Variants in IQANK1 observed in about 807,000 individuals in gnomAD.
IQANK1 encodes IQ motif and ankyrin repeat domain-containing protein 1.
A neutral mutation model predicts 22.6 loss-of-function variants in IQANK1; 30 were observed. That is an observed-to-expected ratio of 1.33 (90% CI 0.99 to 1.80). IQANK1 has a LOEUF of 1.80. Ranked by LOEUF, IQANK1 falls within the 40% of genes most tolerant of loss-of-function variation. The pLI is 0.00. For missense variants in IQANK1, 275 were observed against 235.2 expected, an observed-to-expected ratio of 1.17 and a Z score of -1.11; for synonymous variants, 122 against 99.6, an observed-to-expected ratio of 1.23 and a Z score of -1.34.
chr8:143,782,978 G>A (rs1374149595), intron 7 of IQANK1, among the ~76,000 whole-genome samples: 1 of 152,100 alleles, frequency 6.6e-6, no homozygotes, highest in Non-Finnish European at 1.5e-5. Flanking sequence ...GGCTATATTC[G>A]TGAGATTCAG....
intron 7 of IQANK1, among the ~76,000 whole-genome samples, chr8:143,785,873 C>T (rs781951175): frequency 8.6e-5 from 13 of 151,874 alleles, no homozygotes; most frequent in South Asian, 2.1e-4. Flanking sequence ...ATTACAGGCA[C>T]GCACCACCAC....
chr8:143,743,722 G>A, intron 3 of IQANK1: 3 of 327,436 alleles, frequency 9.2e-6, no homozygotes, highest in Non-Finnish European at 1.8e-5. Flanking sequence ...GCCTCACAGT[G>A]CATATTTAAA....
chr8:143,751,436 A>G (rs1199967132), intron 3 of IQANK1, among the ~76,000 whole-genome samples: 2 of 151,646 alleles, frequency 1.3e-5, no homozygotes, highest in African/African-American at 2.4e-5. Context: ...ATATGGTGAA[A>G]CCCCGTCTCT....
intron 7 of IQANK1, among the ~76,000 whole-genome samples, chr8:143,782,977 C>T (rs1025046052): frequency 1.3e-5 from 2 of 152,142 alleles, no homozygotes; most frequent in African/African-American, 2.4e-5. Context: ...AGGCTATATT[C>T]GTGAGATTCA....
At chr8:143,744,272 G>C (rs1818984725) in intron 3 of IQANK1, 1 of 154,052 alleles carries the variant, frequency 6.5e-6, no homozygotes, top group Non-Finnish European at 1.4e-5. Context: ...ATCACGTCAA[G>C]TATTCACAAG....
intron 2 of IQANK1, among the ~76,000 whole-genome samples, chr8:143,738,371 C>A (rs1459655457): frequency 6.6e-6 from 1 of 152,198 alleles, no homozygotes; most frequent in Non-Finnish European, 1.5e-5. Context: ...CAGGCTTGGC[C>A]CCCTGTTCCA....
intron 3 of IQANK1, among the ~76,000 whole-genome samples, chr8:143,766,724 G>A (rs1490306607): frequency 3.3e-5 from 5 of 152,148 alleles, no homozygotes; most frequent in African/African-American, 1.2e-4. Flanking sequence ...TTTCTTTTGG[G>A]TATTTTTTGT....
chr8:143,752,019 G>A (rs1819205448), intron 3 of IQANK1, among the ~76,000 whole-genome samples: 2 of 152,032 alleles, frequency 1.3e-5, no homozygotes, highest in South Asian at 4.2e-4. Flanking sequence ...AGGCTGGAGT[G>A]CAATGGCACA....
chr8:143,767,483 T>C (rs1439840634), intron 3 of IQANK1, among the ~76,000 whole-genome samples: 4 of 152,174 alleles, frequency 2.6e-5, no homozygotes, highest in Non-Finnish European at 5.9e-5. Flanking sequence ...AGAATTAGTA[T>C]GGGGATTTTC....
intron 7 of IQANK1, among the ~76,000 whole-genome samples, chr8:143,781,220 A>G (rs1219106341): frequency 6.6e-6 from 1 of 152,182 alleles, no homozygotes; most frequent in East Asian, 1.9e-4. Context: ...GCTGGATGTT[A>G]GACTTCTGTC....
Position 143,771,609 on chromosome 8 carries a change from G to A in IQANK1, c.297G>A (p.Pro99=). The A allele has an allele frequency of 2.5e-6, 1 of 398,770 alleles. No homozygotes were observed. 24.7% of individuals were successfully genotyped at this position (398,770 alleles called of 1,614,324 possible). A position where few individuals can be genotyped will look rare whatever the true frequency, so the allele number is the denominator to read the frequency against. The change falls in exon 4 of 14, where the codon CCG becomes CCA. Residue 99 remains proline, a synonymous_variant. Transcript: ENST00000527139. The surrounding 1 kb of genome is among the most constrained non-coding windows in gnomAD (Gnocchi z 6.0). ...RREYLEQMET[P]QKEAYLAPVR... ...AGTACCTGGAGCAGATGGAGACGCC[G>A]CAGAAGGAGGTGAGGACGGGCAGCC...
chr8:143,768,741 TC>T lies in IQANK1; in HGVS notation c.176-2746del, dbSNP rs199779685. Reference sequence around the variant, plus strand: ...TTTGATGCTAAATATATTAAATTTTTCTGTTGCTGCTTGTGTACAGAAATAC... The same window carrying T: ...TTTGATGCTAAATATATTAAATTTTTTGTTGCTGCTTGTGTACAGAAATAC... On this transcript the variant is annotated intron_variant, in intron 3 of 13. Transcript: ENST00000527139. Among the ~76,000 whole-genome samples the T allele has an allele frequency of 9.6e-3, 1,464 of 152,344 alleles. 25 individuals are homozygous for T. The highest frequency in any genetic ancestry group is 0.033 in the African/African-American group (1,374 of 41,570).
intron 2 of IQANK1, 55 bp from the exon 3 acceptor site, chr8:143,739,804 C>A: frequency 1.5e-6 from 1 of 666,122 alleles, no homozygotes; most frequent in Non-Finnish European, 2.7e-6. Context: ...TCTCTTGAGG[C>A]TAATGGGGAT....
At chr8:143,762,808 C>G (rs1296797281) in intron 3 of IQANK1, among the ~76,000 whole-genome samples, 2 of 152,182 alleles carry the variant, frequency 1.3e-5, no homozygotes, top group Non-Finnish European at 2.9e-5. Context: ...TCCCCAAAAC[C>G]ATCATTTTCT....
intron 3 of IQANK1, among the ~76,000 whole-genome samples, chr8:143,764,054 A>G (rs1819442310): frequency 6.6e-6 from 1 of 152,162 alleles, no homozygotes; most frequent in African/African-American, 2.4e-5. Flanking sequence ...TTCTCCTTCA[A>G]GGACCATGCC....
Position 143,751,650 on chromosome 8 carries a change from G to A in IQANK1, c.175+11702G>A, listed in dbSNP as rs367543437. Among the ~76,000 whole-genome samples the A allele has an allele frequency of 6.0e-3, 167 of 27,842 alleles. 3 individuals carry two copies. The highest frequency in any genetic ancestry group is 0.012 in the African/African-American group (142 of 12,304). The allele number at this position is 27,842 out of a possible 152,430, so 18.3% of individuals were successfully genotyped here. A position where few individuals can be genotyped will look rare whatever the true frequency, so the allele number is the denominator to read the frequency against. ...AGTGTGTGTGTGTGTGTGTGTGTGT[G>A]TGTGTGTGTGTGTGTATATATATAT... On this transcript the variant is annotated intron_variant, in intron 3 of 13. Transcript: ENST00000527139.
intron 1 of IQANK1, among the ~76,000 whole-genome samples, chr8:143,734,973 C>T (rs953739759): frequency 6.6e-6 from 1 of 152,190 alleles, no homozygotes; most frequent in African/African-American, 2.4e-5. Context: ...AAACCACCAC[C>T]CCTCGCCCCT....
intron 7 of IQANK1, among the ~76,000 whole-genome samples, chr8:143,787,831 C>T (rs1219063601): frequency 6.6e-6 from 1 of 152,116 alleles, no homozygotes; most frequent in African/African-American, 2.4e-5. Context: ...CTCACCCGCG[C>T]ACCCCTAACG....
chr8:143,734,151 A>G lies in IQANK1; in HGVS notation c.-73A>G, dbSNP rs1818651997. ...GAAGTTCCGGCTCAGTCGCTAGGAA[A>G]CGAGCGAGCCCGACGCCAGGGGCGG... On this transcript the variant is annotated 5_prime_UTR_variant, in exon 1 of 14. Transcript: ENST00000527139. 6.6e-6 allele frequency: 1 copy of G among 152,088 alleles called. No individual in the cohort carries two copies. Among genetic ancestry groups the G allele is most frequent in the African/African-American group, 2.4e-5 (1 of 41,400 alleles). 9.4% of individuals were successfully genotyped at this position (152,088 alleles called of 1,614,324 possible).
Sources: allele counts gnomAD v4.1 joint callset (sites outside exome capture counted in the v4.1 genomes callset), GRCh38; gene constraint gnomAD v4.1.1; non-coding constraint Gnocchi (gnomAD v3.1); transcripts MANE v1.5; gene names NCBI Gene and HGNC (gene_info 2026-07-23, HGNC 2026-07-21).